Variants in MGAT1 observed in about 807,000 individuals in gnomAD.
MGAT1 encodes the protein N-glycosyl-oligosaccharide-glycoprotein N-acetylglucosaminyltransferase I.
A neutral mutation model predicts 31.7 loss-of-function variants in MGAT1; 14 were observed. That is an observed-to-expected ratio of 0.44 (90% CI 0.29 to 0.69). The LOEUF (loss-of-function observed/expected upper bound fraction) is 0.69. Among genes scored for constraint, MGAT1 ranks in the 30% least tolerant of loss-of-function variants. The pLI is 0.12. For missense variants in MGAT1, 557 were observed against 626.0 expected (o/e 0.89, Z 1.18); for synonymous variants, 338 against 276.0 (o/e 1.22, Z -2.23).
chr5:180,798,663 G>A (rs1432140692), intron 1 of MGAT1, among the ~76,000 whole-genome samples: 1 of 152,148 alleles, frequency 6.6e-6, no homozygotes, highest in Non-Finnish European at 1.5e-5. Context: ...AAACTCAATT[G>A]GCAGTAAAAC....
rs1767864520 is a variant in MGAT1, at chr5:180,790,096, T to A, written c.*1538A>T. On this transcript the variant is annotated 3_prime_UTR_variant, in exon 2 of 2. Coordinates refer to ENST00000307826, the MANE Select transcript of MGAT1 (RefSeq NM_002406.4). Reference sequence around the variant, plus strand: ...CGCCACTGTGAGGCCAACCCTGGTATCAGCTGTGTACCCTGAGGCTCCCCG... The same window carrying A: ...CGCCACTGTGAGGCCAACCCTGGTAACAGCTGTGTACCCTGAGGCTCCCCG... 1.3e-5 allele frequency: 2 copies of A among 152,192 alleles called. No homozygotes were observed. The highest frequency in any genetic ancestry group is 4.8e-5 in the African/African-American group (2 of 41,410). 9.4% of individuals were successfully genotyped at this position (152,192 alleles called of 1,614,324 possible).
intron 1 of MGAT1, among the ~76,000 whole-genome samples, chr5:180,800,342 C>T (rs1770464724): frequency 6.6e-6 from 1 of 152,274 alleles, no homozygotes; most frequent in Non-Finnish European, 1.5e-5. Flanking sequence ...TTACTCCTCA[C>T]AGTTTCTATT....
At position 180,785,524 on chromosome 5, in the gene MGAT1, G is replaced by A. The variant is rs892371194; in HGVS notation, c.*6110C>T. 1.7e-4 allele frequency: 26 copies of A among 152,278 alleles called. No homozygotes were observed. Among genetic ancestry groups the A allele is most frequent in the African/African-American group, 6.0e-4 (25 of 41,468 alleles). The allele number at this position is 152,278 out of a possible 1,614,324, so 9.4% of individuals were successfully genotyped here. The stretch of plus-strand genomic sequence containing the variant: ...GTGGGCCACTCCCCAGAACCCTCCA[G>A]CAAGGGGCTCAGGGTAGTCAGATGT... On this transcript the variant is annotated 3_prime_UTR_variant, in exon 2 of 2. Coordinates refer to ENST00000307826, the MANE Select transcript of MGAT1 (RefSeq NM_002406.4).
chr5:180,792,050 T>C lies in MGAT1; in HGVS notation c.922A>G (p.Ile308Val), dbSNP rs1485447747. 6.2e-7 allele frequency: 1 copy of C among 1,613,756 alleles called. No homozygotes were observed. The highest frequency in any genetic ancestry group is 1.7e-5 in the Admixed American group (1 of 60,026). ...CGGCCAAAGGTCATCGTTCTTGAGATCTCAGGGCGTATGCAGGCCCGCCCC... is the reference window on the plus strand; with the variant it reads ...CGGCCAAAGGTCATCGTTCTTGAGACCTCAGGGCGTATGCAGGCCCGCCCC... ...RQGRACIRPE[I>V]SRTMTFGRKG... Residue 308 changes from isoleucine to valine, a missense_variant, in exon 2 of 2, where the codon ATC (isoleucine) becomes GTC (valine). Physicochemically the swap from Ile to Val is conservative, Grantham distance 29. Coordinates refer to ENST00000307826, the MANE Select transcript of MGAT1 (RefSeq NM_002406.4).
intron 1 of MGAT1, chr5:180,810,436 G>C (rs1042885003): frequency 6.5e-6 from 1 of 152,774 alleles, no homozygotes; most frequent in Non-Finnish European, 1.5e-5. Flanking sequence ...CCGTACAGGA[G>C]GGGGAGGGGC....
chr5:180,792,789 G>A lies in MGAT1; in HGVS notation c.183C>T (p.Ala61=), dbSNP rs372096364. ...CACGCTGCCGCTCCAGCTCCACCTCGGCGTCTTGGGCCAGGCGAATCACTT... is the reference window on the plus strand; with the variant it reads ...CACGCTGCCGCTCCAGCTCCACCTCAGCGTCTTGGGCCAGGCGAATCACTT... The part of the protein sequence containing the change: ...TREVIRLAQD[A]EVELERQRGL... The change falls in exon 2 of 2, where the codon GCC becomes GCT. Residue 61 remains alanine (A), a synonymous_variant. Coordinates refer to ENST00000307826, the MANE Select transcript of MGAT1 (RefSeq NM_002406.4). 2.0e-5 allele frequency: 31 copies of A among 1,552,142 alleles called. No individual in the cohort carries two copies. The highest frequency in any genetic ancestry group is 2.4e-5 in the Non-Finnish European group (28 of 1,148,364).
chr5:180,807,781 G>C (rs2113564193), upstream of MGAT1, among the ~76,000 whole-genome samples: 1 of 152,356 alleles, frequency 6.6e-6, no homozygotes, highest in East Asian at 1.9e-4. Flanking sequence ...TTACCAACAA[G>C]ATGATGAAAC....
chr5:180,811,492 C>G (rs1292805213), intron 1 of MGAT1: 4 of 152,144 alleles, frequency 2.6e-5, no homozygotes, highest in Admixed American at 2.0e-4. Flanking sequence ...AATGGCGGCT[C>G]CATTTACTCA....
At chr5:180,811,271 A>G (rs746858294) in intron 1 of MGAT1, 2 of 152,060 alleles carry the variant, frequency 1.3e-5, no homozygotes, top group Non-Finnish European at 2.9e-5. Context: ...TAACATTTCC[A>G]TTACTGGGAA....
At chr5:180,807,145 T>C (rs981850001), upstream of MGAT1, among the ~76,000 whole-genome samples, 1 of 152,170 alleles carries the variant, frequency 6.6e-6, no homozygotes, top group African/African-American at 2.4e-5. Flanking sequence ...ACATGGAAAG[T>C]AAGGCATAAG....
chr5:180,811,419 A>C (rs916279352), intron 1 of MGAT1: 3 of 152,220 alleles, frequency 2.0e-5, no homozygotes, highest in African/African-American at 7.2e-5. Context: ...GAAGAAGAAA[A>C]TAAGACCCTT....
At chr5:180,814,714 G>A (rs1198660387) in intron 1 of MGAT1, among the ~76,000 whole-genome samples, 5 of 152,060 alleles carry the variant, frequency 3.3e-5, no homozygotes, top group African/African-American at 1.2e-4. Context: ...GGCTGAGGCG[G>A]GTGGGTCATG....
At chr5:180,814,139 C>G (rs1244219486) in intron 1 of MGAT1, among the ~76,000 whole-genome samples, 3 of 152,196 alleles carry the variant, frequency 2.0e-5, no homozygotes, top group South Asian at 2.1e-4. Context: ...ATTTCAGAAA[C>G]TAGATATCTC....
At chr5:180,814,940 CAAA>C (rs551527767) in intron 1 of MGAT1, among the ~76,000 whole-genome samples, 9 of 94,988 alleles carry the variant, frequency 9.5e-5, no homozygotes, top group African/African-American at 3.2e-4. Context: ...GACTCTGTCT[CAAA>C]AAAAAAAAAA....
chr5:180,800,592 G>T (rs1338161198), intron 1 of MGAT1, among the ~76,000 whole-genome samples: 2 of 152,220 alleles, frequency 1.3e-5, no homozygotes, highest in Non-Finnish European at 2.9e-5. Context: ...TTCCAAAGGT[G>T]AGTGTTCCAA....
chr5:180,799,215 G>C (rs1312355691), intron 1 of MGAT1, among the ~76,000 whole-genome samples: 1 of 152,168 alleles, frequency 6.6e-6, no homozygotes, highest in African/African-American at 2.4e-5. Context: ...CCTTCAGACA[G>C]ACTGTCTGAA....
intron 1 of MGAT1, chr5:180,809,159 C>T (rs895458637): frequency 6.6e-6 from 1 of 152,178 alleles, no homozygotes; most frequent in Non-Finnish European, 1.5e-5. Flanking sequence ...CCACTCCCCA[C>T]CTAAGAGTCC....
intron 1 of MGAT1, among the ~76,000 whole-genome samples, chr5:180,794,226 TAA>T (rs397884031): frequency 1.2e-4 from 12 of 96,872 alleles, no homozygotes; most frequent in Non-Finnish European, 1.8e-4. Context: ...AAGTAACAAT[TAA>T]AAAAAAAAAA....
Position 180,792,867 on chromosome 5 carries a change from G to C in MGAT1, c.105C>G (p.Gly35=), listed in dbSNP as rs1284096758. 1 of 1,582,324 alleles carries C rather than the reference G, an allele frequency of 6.3e-7. No individual in the cohort carries two copies. ...CGAGAGCGCTGACTGAGGGTGGCCT[G>C]CCAGGTGCTGGGCGCGTCCAGAAGA... ...LLFFWTRPAP[G]RPPSVSALDG... is the part of the protein sequence containing the mutation. Residue 35 remains glycine (G), a synonymous_variant, in exon 2 of 2, where the codon GGC becomes GGG. Coordinates refer to ENST00000307826, the MANE Select transcript of MGAT1 (RefSeq NM_002406.4).
Sources: allele counts gnomAD v4.1 joint callset (sites outside exome capture counted in the v4.1 genomes callset), GRCh38; gene constraint gnomAD v4.1.1; transcripts MANE v1.5; gene names NCBI Gene and HGNC (gene_info 2026-07-23, HGNC 2026-07-21).